Variants in ADAM17 observed in about 807,000 individuals in gnomAD.
The protein encoded by ADAM17 is ADAM metallopeptidase domain 17.
A neutral mutation model predicts 96.7 loss-of-function variants in ADAM17; 39 were observed. The ratio of observed to expected loss-of-function variants is 0.40; its 90% CI spans 0.31 to 0.53. The LOEUF is 0.53. ADAM17 is among the 20% of genes least tolerant of loss of function. The pLI is 0.44. For missense variants in ADAM17, 777 were observed against 1,013.2 expected, an observed-to-expected ratio of 0.77 and a Z score of 3.17; for synonymous variants, 344 against 359.2, an observed-to-expected ratio of 0.96 and a Z score of 0.48.
intron 10 of ADAM17, among the ~76,000 whole-genome samples, chr2:9,513,394 AGAG>A (rs964377740): frequency 8.5e-5 from 13 of 152,220 alleles, no homozygotes; most frequent in African/African-American, 3.1e-4. Flanking sequence ...TCAGACCCAA[AGAG>A]GAGAATGTGG....
chr2:9,554,869 T>C (rs1317029768), intron 1 of ADAM17, among the ~76,000 whole-genome samples: 1 of 152,154 alleles, frequency 6.6e-6, no homozygotes, highest in Non-Finnish European at 1.5e-5. Flanking sequence ...AAAGCATTCA[T>C]AGTGGCAGCA....
intron 14 of ADAM17, among the ~76,000 whole-genome samples, chr2:9,496,015 C>T (rs932416045): frequency 3.0e-4 from 45 of 152,092 alleles, no homozygotes; most frequent in African/African-American, 1.1e-3. Context: ...TCTTTACCTA[C>T]ACATTATTGA....
At position 9,497,299 on chromosome 2, in the gene ADAM17, G is replaced by A. The variant is rs1340041017; in HGVS notation, c.1649-51C>T. 6 of 1,605,770 alleles carry A rather than the reference G, an allele frequency of 3.7e-6. No homozygotes were observed. The East Asian group carries it at 6.7e-5, about 18-fold the overall frequency. On this transcript the variant is annotated intron_variant, in intron 13 of 18. Coordinates refer to ENST00000310823, the MANE Select transcript of ADAM17 (RefSeq NM_003183.6). ...AAAAGAATGAGTCACAGGTCCACCA[G>A]TTCTACAGGTGCATAATACGCTGTT...
chr2:9,543,092 T>A (rs1320446311), intron 2 of ADAM17, 61 bp downstream of exon 2: 2 of 1,476,518 alleles, frequency 1.4e-6, no homozygotes, highest in African/African-American at 1.4e-5. Context: ...CCTTACTTTT[T>A]TGTTTTTGCC....
chr2:9,522,557 T>C, intron 7 of ADAM17: 1 of 471,920 alleles, frequency 2.1e-6, no homozygotes. Flanking sequence ...TTTTTAAAAA[T>C]TTTTTCAACC....
At chr2:9,527,446 C>G (rs1268373138) in intron 5 of ADAM17, 1 of 162,596 alleles carries the variant, frequency 6.2e-6, no homozygotes, top group Non-Finnish European at 1.3e-5. Flanking sequence ...CCTCCTACTA[C>G]CAATTAATTT....
intron 4 of ADAM17, among the ~76,000 whole-genome samples, chr2:9,529,682 C>T (rs1487219980): frequency 6.6e-6 from 1 of 152,040 alleles, no homozygotes; most frequent in Non-Finnish European, 1.5e-5. Context: ...CATCAATATA[C>T]GAAAACTGCC....
At chr2:9,500,783 G>A (rs1385645610) in intron 13 of ADAM17, among the ~76,000 whole-genome samples, 5 of 152,136 alleles carry the variant, frequency 3.3e-5, no homozygotes, top group African/African-American at 7.2e-5. Flanking sequence ...AGATATGTCC[G>A]TTTATATACC....
intron 10 of ADAM17, chr2:9,512,226 G>C (rs1007401935): frequency 6.6e-6 from 1 of 151,650 alleles, no homozygotes; most frequent in Admixed American, 6.6e-5. Flanking sequence ...ACTGCTTGGG[G>C]AAAATTCATT....
chr2:9,500,374 G>T (rs909715222), intron 13 of ADAM17, among the ~76,000 whole-genome samples: 3 of 152,198 alleles, frequency 2.0e-5, no homozygotes, highest in Non-Finnish European at 4.4e-5. Context: ...TAAAGAATAG[G>T]GTGGTTAGTG....
intron 1 of ADAM17, among the ~76,000 whole-genome samples, chr2:9,552,119 G>A (rs564044022): frequency 7.9e-5 from 12 of 152,290 alleles, no homozygotes; most frequent in African/African-American, 2.9e-4. Flanking sequence ...CCTCAATGAA[G>A]CCCATTCCTG....
chr2:9,549,459 C>T (rs745808298), intron 1 of ADAM17, among the ~76,000 whole-genome samples: 92 of 152,142 alleles, frequency 6.0e-4, no homozygotes, highest in Non-Finnish European at 9.6e-4. Context: ...TGTATATAAC[C>T]GTCCCACACG....
chr2:9,535,383 T>A (rs898816416), intron 4 of ADAM17, among the ~76,000 whole-genome samples: 4 of 152,262 alleles, frequency 2.6e-5, no homozygotes, highest in Non-Finnish European at 2.9e-5. Context: ...ACTCTTTCAA[T>A]GGAAGAGTGA....
chr2:9,538,181 A>G (rs1434729999), intron 2 of ADAM17, among the ~76,000 whole-genome samples: 3 of 152,160 alleles, frequency 2.0e-5, no homozygotes, highest in Non-Finnish European at 2.9e-5. Context: ...AGTATTATTT[A>G]TAGTCTTTCA....
At chr2:9,548,620 T>A (rs920650509) in intron 1 of ADAM17, among the ~76,000 whole-genome samples, 1 of 152,238 alleles carries the variant, frequency 6.6e-6, no homozygotes, top group Non-Finnish European at 1.5e-5. Flanking sequence ...AGTTTCATAT[T>A]CTATTTTGTT....
chr2:9,555,372 T>C, intron 1 of ADAM17, 137 bp downstream of exon 1: 1 of 682,476 alleles, frequency 1.5e-6, no homozygotes, highest in East Asian at 2.9e-5. Context: ...CCACACCCCC[T>C]TCTACACTGA....
At chr2:9,538,679 G>T (rs1157882428) in intron 2 of ADAM17, among the ~76,000 whole-genome samples, 1 of 152,148 alleles carries the variant, frequency 6.6e-6, no homozygotes, top group African/African-American at 2.4e-5. Context: ...CTTTTCTAAA[G>T]ATAAAGACCA....
intron 7 of ADAM17, 27 bp from the exon 8 acceptor site, chr2:9,521,343 G>T: frequency 6.8e-7 from 1 of 1,460,706 alleles, no homozygotes; most frequent in South Asian, 1.2e-5. Context: ...CATATACTTA[G>T]AACACTTCCA....
chr2:9,514,518 AAT>A (rs70948826), intron 10 of ADAM17, among the ~76,000 whole-genome samples: 617 of 89,366 alleles, frequency 6.9e-3, no homozygotes, highest in South Asian at 8.9e-3. Context: ...TTAAAATATA[AAT>A]ATATATATAT....
Sources: allele counts gnomAD v4.1 joint callset (sites outside exome capture counted in the v4.1 genomes callset), GRCh38; gene constraint gnomAD v4.1.1; transcripts MANE v1.5; gene names NCBI Gene and HGNC (gene_info 2026-07-23, HGNC 2026-07-21).